ARHGEF10: variants seen among roughly 807,000 people sequenced by gnomAD.
The protein encoded by ARHGEF10 is Rho guanine nucleotide exchange factor 10, also known as Rho guanine nucleotide exchange factor (GEF) 10.
ARHGEF10 carries 140 observed loss-of-function variants against 147.4 expected under a neutral mutation model. That is an observed-to-expected ratio of 0.95 (90% CI 0.83 to 1.09). The LOEUF is 1.09. ARHGEF10 is among the 50% of genes least tolerant of loss of function. ARHGEF10 has a pLI of 0.00. For synonymous variants in ARHGEF10, 902 were observed against 695.8 expected (o/e 1.30, Z -4.67); for missense variants, 2,222 against 1,752.7 (o/e 1.27, Z -4.78).
chr8:1,955,715 T>G (rs1380013636), intron 28 of ARHGEF10, among the ~76,000 whole-genome samples: 1 of 151,214 alleles, frequency 6.6e-6, no homozygotes, highest in African/African-American at 2.4e-5. Context: ...CTGTGTTTCT[T>G]TGGATGGTAG....
At chr8:1,935,405 C>T (rs138899492) in intron 26 of ARHGEF10, among the ~76,000 whole-genome samples, 3 of 152,186 alleles carry the variant, frequency 2.0e-5, no homozygotes, top group East Asian at 1.9e-4. Context: ...ACTACAGCAT[C>T]GCGCAGAGTG....
intron 11 of ARHGEF10, 146 bp from the exon 12 acceptor site, chr8:1,893,423 G>C: frequency 1.5e-6 from 1 of 655,946 alleles, no homozygotes; most frequent in South Asian, 1.8e-5. Context: ...TTTTGTACCT[G>C]TAATGTTATT....
At chr8:1,869,573 G>T in intron 7 of ARHGEF10, 1 of 457,012 alleles carries the variant, frequency 2.2e-6, no homozygotes, top group Non-Finnish European at 4.0e-6. Context: ...TGACATCAGT[G>T]AGAAAGTAGA....
At chr8:1,936,193 C>T (rs1813588072) in intron 26 of ARHGEF10, among the ~76,000 whole-genome samples, 1 of 152,174 alleles carries the variant, frequency 6.6e-6, no homozygotes, top group African/African-American at 2.4e-5. Context: ...TGTGTTTTCA[C>T]CCAATAAAAT....
chr8:1,940,086 G>A (rs1183910998), intron 26 of ARHGEF10, among the ~76,000 whole-genome samples: 1 of 152,148 alleles, frequency 6.6e-6, no homozygotes, highest in Non-Finnish European at 1.5e-5. Flanking sequence ...CCATGGGTTT[G>A]GTTTTTTTAA....
intron 1 of ARHGEF10, among the ~76,000 whole-genome samples, chr8:1,829,070 G>A (rs1802934734): frequency 1.3e-5 from 2 of 152,240 alleles, no homozygotes; most frequent in Admixed American, 1.3e-4. Flanking sequence ...AGGCGGCAGG[G>A]CCTCCAGCAC....
At chr8:1,836,918 C>T (rs1803617765) in intron 1 of ARHGEF10, among the ~76,000 whole-genome samples, 1 of 152,308 alleles carries the variant, frequency 6.6e-6, no homozygotes, top group East Asian at 1.9e-4. Context: ...CTCATTTTCT[C>T]TTGCCGCCGC....
intron 8 of ARHGEF10, among the ~76,000 whole-genome samples, chr8:1,878,082 C>T (rs979796921): frequency 1.3e-5 from 2 of 152,154 alleles, no homozygotes; most frequent in Non-Finnish European, 2.9e-5. Flanking sequence ...GCAGTCAGCT[C>T]ACCTACCCAG....
chr8:1,857,859 C>T (rs1190211019), intron 2 of ARHGEF10, 101 bp from the exon 3 acceptor site: 7 of 1,166,914 alleles, frequency 6.0e-6, no homozygotes, highest in Non-Finnish European at 8.7e-6. Flanking sequence ...GTCAGTGTCT[C>T]TGGCTAACAT....
chr8:1,945,401 G>A, intron 26 of ARHGEF10, 80 bp from the exon 27 acceptor site: 2 of 1,523,768 alleles, frequency 1.3e-6, no homozygotes, highest in Non-Finnish European at 1.8e-6. Flanking sequence ...TGGCGCTCCA[G>A]CTGGACGCCA....
intron 18 of ARHGEF10, among the ~76,000 whole-genome samples, chr8:1,916,909 T>G (rs957920683): frequency 6.6e-6 from 1 of 152,252 alleles, no homozygotes; most frequent in Non-Finnish European, 1.5e-5. Context: ...CTCACACCAT[T>G]GTCCGTATAC....
At chr8:1,863,931 T>C (rs926845412) in intron 4 of ARHGEF10, among the ~76,000 whole-genome samples, 1 of 151,938 alleles carries the variant, frequency 6.6e-6, no homozygotes, top group Non-Finnish European at 1.5e-5. Flanking sequence ...TGAACATCTT[T>C]TGAGCGTGCC....
At chr8:1,877,133 C>G (rs1807776032) in intron 8 of ARHGEF10, among the ~76,000 whole-genome samples, 1 of 152,220 alleles carries the variant, frequency 6.6e-6, no homozygotes, top group Admixed American at 6.5e-5. Context: ...AGTGAGGTTT[C>G]AACTTTAGCA....
At chr8:1,883,928 G>T (rs1808427853) in intron 10 of ARHGEF10, among the ~76,000 whole-genome samples, 2 of 152,152 alleles carry the variant, frequency 1.3e-5, no homozygotes, top group South Asian at 4.1e-4. Context: ...TGCCCACCTG[G>T]AGCCCATGCC....
At chr8:1,906,787 C>G (rs554378258) in intron 17 of ARHGEF10, among the ~76,000 whole-genome samples, 3 of 152,322 alleles carry the variant, frequency 2.0e-5, no homozygotes, top group East Asian at 3.9e-4. Flanking sequence ...AAGGCGAGAA[C>G]GTTCATTAAG....
At chr8:1,932,891 A>G (rs1813266838) in intron 25 of ARHGEF10, among the ~76,000 whole-genome samples, 1 of 152,238 alleles carries the variant, frequency 6.6e-6, no homozygotes, top group Non-Finnish European at 1.5e-5. Flanking sequence ...GCATTGATGG[A>G]TTAATAATTT....
At chr8:1,913,148 G>T (rs965682353) in intron 18 of ARHGEF10, among the ~76,000 whole-genome samples, 3 of 152,204 alleles carry the variant, frequency 2.0e-5, no homozygotes, top group Non-Finnish European at 4.4e-5. Context: ...GGTGGGTGGG[G>T]AGGTGGCGCA....
chr8:1,890,077 G>C (rs1809337154), intron 11 of ARHGEF10, among the ~76,000 whole-genome samples: 1 of 150,248 alleles, frequency 6.7e-6, no homozygotes, highest in African/African-American at 2.5e-5. Context: ...CACCGAGTGT[G>C]GTGTGAGGGG....
intron 7 of ARHGEF10, among the ~76,000 whole-genome samples, chr8:1,872,508 C>CGTTA (rs1315549862): frequency 6.6e-6 from 1 of 152,178 alleles, no homozygotes; most frequent in Non-Finnish European, 1.5e-5. Flanking sequence ...CAGCATGACC[C>CGTTA]TAACAAGTAA....
Sources: gnomAD v4.1 joint callset for allele counts (sites outside exome capture counted in the v4.1 genomes callset) on GRCh38, gnomAD v4.1.1 for gene constraint, MANE v1.5 for transcripts, NCBI Gene and HGNC (gene_info 2026-07-23, HGNC 2026-07-21) for gene names.